The following SPMAP2 variants were observed in gnomAD, a reference collection of about 807,000 sequenced individuals.
SPMAP2 encodes the protein sperm microtubule associated protein 2.
the SPMAP2 span, chr19:366,946 T>C: frequency 2.1e-5 from 25 of 1,178,662 alleles, no homozygotes; most frequent in South Asian, 3.4e-4. Flanking sequence ...GTCCCTGTGA[T>C]TTCTGCTTCT....
the SPMAP2 span, among the ~76,000 whole-genome samples, chr19:363,832 G>T: frequency 6.6e-6 from 1 of 151,830 alleles, no homozygotes; most frequent in Non-Finnish European, 1.5e-5. Flanking sequence ...ACCGTGCCCG[G>T]CCCCATTTTA....
the SPMAP2 span, among the ~76,000 whole-genome samples, chr19:365,154 C>T: frequency 1.3e-5 from 2 of 152,212 alleles, no homozygotes; most frequent in Non-Finnish European, 2.9e-5. Flanking sequence ...CCCGCGCTCA[C>T]CACACACACA....
chr19:364,246 A>G, the SPMAP2 span, among the ~76,000 whole-genome samples: 2 of 146,604 alleles, frequency 1.4e-5, no homozygotes, highest in Admixed American at 6.9e-5. Context: ...CTGAGGCAGG[A>G]GAACGGCGTG....
the SPMAP2 span, among the ~76,000 whole-genome samples, chr19:370,465 C>T: frequency 4.9e-4 from 74 of 151,772 alleles, 2 homozygotes; most frequent in South Asian, 8.3e-3. Flanking sequence ...CCTCAGCCTC[C>T]GGAGTAGTTG....
At chr19:372,689 G>A in the SPMAP2 span, 54,317 of 1,613,858 alleles carry the variant, frequency 0.034, 1,092 homozygotes, top group Non-Finnish European at 0.04. Flanking sequence ...TCCTCCACGC[G>A]GCGGGACACC....
the SPMAP2 span, chr19:374,616 C>T: frequency 1.5e-6 from 1 of 667,938 alleles, no homozygotes; most frequent in Non-Finnish European, 2.5e-6. Context: ...AGCTCCACTG[C>T]TCGCTGGATG....
chr19:364,347 A>G, the SPMAP2 span, among the ~76,000 whole-genome samples: 1 of 151,202 alleles, frequency 6.6e-6, no homozygotes, highest in Non-Finnish European at 1.5e-5. Flanking sequence ...AAAAAAAAAA[A>G]AAAAAAAAAG....
chr19:369,815 G>T, the SPMAP2 span, among the ~76,000 whole-genome samples: 1 of 152,296 alleles, frequency 6.6e-6, no homozygotes, highest in South Asian at 2.1e-4. Context: ...AAGGGTGGGG[G>T]ACATTACAAA....
At chr19:362,920 C>A in the SPMAP2 span, among the ~76,000 whole-genome samples, 1 of 152,076 alleles carries the variant, frequency 6.6e-6, no homozygotes, top group Non-Finnish European at 1.5e-5. Context: ...CATGGCTGAG[C>A]CTTGAGGACA....
At chr19:366,017 C>T in the SPMAP2 span, among the ~76,000 whole-genome samples, 3 of 152,076 alleles carry the variant, frequency 2.0e-5, no homozygotes, top group South Asian at 2.1e-4. Context: ...GGCAGGCTCC[C>T]GTAGTCCCAG....
At chr19:364,217 G>A in the SPMAP2 span, among the ~76,000 whole-genome samples, 8 of 150,318 alleles carry the variant, frequency 5.3e-5, no homozygotes, top group African/African-American at 2.0e-4. Flanking sequence ...GCTGCCTGTA[G>A]TCCCAGCTAC....
At chr19:373,688 C>T in the SPMAP2 span, among the ~76,000 whole-genome samples, 9 of 151,794 alleles carry the variant, frequency 5.9e-5, no homozygotes, top group East Asian at 1.9e-4. Flanking sequence ...GCCGGCGGGA[C>T]GCGTGGATTA....
At chr19:374,243 T>A in the SPMAP2 span, 1 of 1,601,370 alleles carries the variant, frequency 6.2e-7, no homozygotes, top group South Asian at 1.1e-5. Flanking sequence ...CCGGGAAGGG[T>A]GCAGAGAAAG....
chr19:374,547 T>C, the SPMAP2 span: 523,358 of 1,356,394 alleles, frequency 0.39, 105,560 homozygotes, highest in Non-Finnish European at 0.41. Flanking sequence ...CCGCCTCTCC[T>C]TTCCCTCGAG....
At chr19:366,244 C>A in the SPMAP2 span, among the ~76,000 whole-genome samples, 1 of 152,080 alleles carries the variant, frequency 6.6e-6, no homozygotes, top group African/African-American at 2.4e-5. Context: ...TGTGCACACA[C>A]GGATATATAT....
the SPMAP2 span, chr19:374,762 G>T: frequency 3.7e-6 from 1 of 272,264 alleles, no homozygotes; most frequent in Non-Finnish European, 7.1e-6. Context: ...ACAGACATCT[G>T]TCAAGTGCTT....
chr19:367,814 C>T, the SPMAP2 span, among the ~76,000 whole-genome samples: 4 of 152,324 alleles, frequency 2.6e-5, no homozygotes, highest in East Asian at 3.9e-4. Flanking sequence ...CTGGGGGCTG[C>T]ACAAGCTGAC....
chr19:369,614 T>G, the SPMAP2 span, among the ~76,000 whole-genome samples: 2 of 151,696 alleles, frequency 1.3e-5, no homozygotes, highest in African/African-American at 4.8e-5. Context: ...GGCACATCCG[T>G]GTGAAGAAGC....
the SPMAP2 span, among the ~76,000 whole-genome samples, chr19:371,517 G>A: frequency 1.6e-4 from 25 of 152,132 alleles, no homozygotes; most frequent in Admixed American, 1.0e-3. Context: ...TTTTGAAAGC[G>A]TCTCCAAACA....
Sources: allele counts gnomAD v4.1 joint callset (sites outside exome capture counted in the v4.1 genomes callset), GRCh38; gene constraint gnomAD v4.1.1; transcripts MANE v1.5; gene names NCBI Gene and HGNC (gene_info 2026-07-23, HGNC 2026-07-21).